The following SH3RF2 variants were observed in gnomAD, a reference collection of about 807,000 sequenced individuals.
SH3RF2 encodes SH3 domain containing ring finger 2.
In SH3RF2, 43 loss-of-function variants were observed where a neutral mutation model predicts 59.0. That is an observed-to-expected ratio of 0.73 (90% CI 0.57 to 0.94). SH3RF2 has a LOEUF of 0.94. Ranked by LOEUF, SH3RF2 falls within the 40% of genes least tolerant of loss-of-function variation. The probability of loss-of-function intolerance (pLI) is 0.00; values close to 1 mark genes in which losing one functional copy is unlikely to be tolerated. For missense variants in SH3RF2, 930 were observed against 940.1 expected (o/e 0.99, Z 0.14); for synonymous variants, 391 against 391.5 (o/e 1.00, Z 0.01).
chr5:146,012,998 A>G (rs1212122653), intron 4 of SH3RF2, among the ~76,000 whole-genome samples: 1 of 152,024 alleles, frequency 6.6e-6, no homozygotes, highest in Non-Finnish European at 1.5e-5. Context: ...CAGCTGATTT[A>G]CCAATACATC....
chr5:145,997,417 C>A, intron 2 of SH3RF2: 1 of 1,334,338 alleles, frequency 7.5e-7, no homozygotes, highest in Non-Finnish European at 1.1e-6. Flanking sequence ...TACACTGCAA[C>A]TGGTCATTAT....
chr5:146,051,212 G>C (rs964276053), intron 7 of SH3RF2, among the ~76,000 whole-genome samples: 7 of 152,158 alleles, frequency 4.6e-5, no homozygotes, highest in African/African-American at 1.4e-4. Context: ...CAAGCAAGGG[G>C]GATATTAGAA....
At chr5:146,081,656 G>C (rs1262257608) in exon 10 of SH3RF2, 1 of 152,182 alleles carries the variant, frequency 6.6e-6, no homozygotes, top group Admixed American at 6.5e-5. Context: ...CCGTGTGAAC[G>C]TGCAGAGATT....
chr5:146,045,195 C>T (rs187776906), intron 5 of SH3RF2, among the ~76,000 whole-genome samples: 2 of 152,336 alleles, frequency 1.3e-5, no homozygotes, highest in Admixed American at 1.3e-4. Flanking sequence ...CCAAAGCCAG[C>T]TCCTTGTCAT....
At chr5:146,026,289 TCC>T (rs1422488112) in intron 5 of SH3RF2, among the ~76,000 whole-genome samples, 3 of 152,170 alleles carry the variant, frequency 2.0e-5, no homozygotes, top group African/African-American at 7.2e-5. Context: ...AGCCACATAG[TCC>T]CAGGTGGCAG....
At position 146,057,950 on chromosome 5, in the gene SH3RF2, CTCTCTCTCTCTCTCTCTCTA is replaced by C. The variant is rs1463079002; in HGVS notation, c.1555+1741_1555+1760del. On this transcript the variant is annotated intron_variant, in intron 8 of 9. Coordinates refer to ENST00000359120, the MANE Select transcript of SH3RF2 (RefSeq NM_152550.4). Reference sequence around the variant, plus strand: ...AGTGTCTCTCTCTCTCTCTCTCTCTCTCTCTCTCTCTCTCTCTCTATCTATCTATCTATCTATATATATAT... The same window carrying C: ...AGTGTCTCTCTCTCTCTCTCTCTCTCTCTATCTATCTATCTATATATATAT... Among the ~76,000 whole-genome samples the C allele has an allele frequency of 3.9e-3, 516 of 131,546 alleles. 4 individuals carry two copies. Among genetic ancestry groups the C allele is most frequent in the African/African-American group, 0.013 (485 of 37,450 alleles). 86.3% of individuals were successfully genotyped at this position (131,546 alleles called of 152,430 possible). A position where few individuals can be genotyped will look rare whatever the true frequency, so the allele number is the denominator to read the frequency against.
chr5:146,024,534 GGT>G (rs894487698), intron 5 of SH3RF2, among the ~76,000 whole-genome samples: 1 of 152,032 alleles, frequency 6.6e-6, no homozygotes, highest in Non-Finnish European at 1.5e-5. Flanking sequence ...TCACTTTCTA[GGT>G]GTGTCCTTTG....
At chr5:146,047,228 T>C (rs188972831) in intron 5 of SH3RF2, among the ~76,000 whole-genome samples, 28 of 151,892 alleles carry the variant, frequency 1.8e-4, no homozygotes, top group African/African-American at 6.3e-4. Context: ...TTGGACTACC[T>C]GATTTTAGAT....
chr5:145,997,832 A>G, intron 2 of SH3RF2: 3 of 1,346,226 alleles, frequency 2.2e-6, no homozygotes, highest in Non-Finnish European at 3.2e-6. Flanking sequence ...AAATAGAAGT[A>G]CCTGCAAAAA....
chr5:145,978,091 G>C (rs1561720302), intron 2 of SH3RF2, among the ~76,000 whole-genome samples: 2 of 152,140 alleles, frequency 1.3e-5, no homozygotes, highest in Non-Finnish European at 2.9e-5. Context: ...CTGGAACATA[G>C]GGCCAGAAAG....
At chr5:145,962,100 C>A (rs1468183814) in intron 2 of SH3RF2, among the ~76,000 whole-genome samples, 1 of 152,132 alleles carries the variant, frequency 6.6e-6, no homozygotes, top group African/African-American at 2.4e-5. Context: ...CAAGGAGACT[C>A]CAATTAGCTT....
chr5:146,078,348 T>C (rs2150030605), intron 9 of SH3RF2: 1 of 152,360 alleles, frequency 6.6e-6, no homozygotes, highest in African/African-American at 2.4e-5. Flanking sequence ...ACAGCATCTC[T>C]TCTGGGAGAA....
chr5:146,034,154 A>C (rs932055837), intron 5 of SH3RF2, among the ~76,000 whole-genome samples: 2 of 152,262 alleles, frequency 1.3e-5, no homozygotes, highest in African/African-American at 4.8e-5. Flanking sequence ...AATGAGATAA[A>C]AATATCAGGA....
At chr5:145,998,633 T>G (rs1297121901) in intron 2 of SH3RF2, among the ~76,000 whole-genome samples, 1 of 152,228 alleles carries the variant, frequency 6.6e-6, no homozygotes, top group East Asian at 1.9e-4. Flanking sequence ...AAAGTTGTAT[T>G]TGGCTGGGCA....
intron 3 of SH3RF2, among the ~76,000 whole-genome samples, chr5:146,002,703 G>T (rs933141603): frequency 6.6e-6 from 1 of 152,146 alleles, no homozygotes; most frequent in Non-Finnish European, 1.5e-5. Flanking sequence ...TGCTCCCCAT[G>T]GGTCGCATTA....
chr5:146,074,247 A>G (rs369888042), intron 9 of SH3RF2, among the ~76,000 whole-genome samples: 2 of 152,082 alleles, frequency 1.3e-5, no homozygotes, highest in East Asian at 3.9e-4. Flanking sequence ...CACCGCCATT[A>G]ACACTTTTTC....
At chr5:145,957,851 G>T (rs571069028) in intron 2 of SH3RF2, among the ~76,000 whole-genome samples, 5 of 152,184 alleles carry the variant, frequency 3.3e-5, no homozygotes, top group Non-Finnish European at 7.3e-5. Flanking sequence ...AGCGGCTCAC[G>T]CCTGTAATCC....
chr5:145,967,557 T>C (rs897478687), intron 2 of SH3RF2, among the ~76,000 whole-genome samples: 1 of 152,258 alleles, frequency 6.6e-6, no homozygotes, highest in African/African-American at 2.4e-5. Context: ...GCCTAATGCT[T>C]GGTGCAGGTT....
chr5:145,959,014 A>T (rs1385977322), intron 2 of SH3RF2, among the ~76,000 whole-genome samples: 1 of 152,196 alleles, frequency 6.6e-6, no homozygotes, highest in Non-Finnish European at 1.5e-5. Flanking sequence ...CAGTTTCCAA[A>T]GACTCCAGGT....
Sources: allele counts gnomAD v4.1 joint callset (sites outside exome capture counted in the v4.1 genomes callset), GRCh38; gene constraint gnomAD v4.1.1; transcripts MANE v1.5; gene names NCBI Gene and HGNC (gene_info 2026-07-23, HGNC 2026-07-21).